CTAG2: variants seen among roughly 807,000 people sequenced by gnomAD.
CTAG2 encodes cancer/testis antigen 2, also known as CTL-recognized antigen on melanoma.
A neutral mutation model predicts 5.7 loss-of-function variants in CTAG2; 5 were observed. That is an observed-to-expected ratio of 0.88 (90% CI 0.46 to 1.85). The LOEUF is 1.85. Among genes scored for constraint, CTAG2 ranks in the 40% most tolerant of loss-of-function variants. The pLI, the probability that CTAG2 is intolerant of heterozygous loss-of-function variation, is 0.01. For synonymous variants in CTAG2, 63 were observed against 80.9 expected (o/e 0.78, Z 1.19); for missense variants, 151 against 169.9 (o/e 0.89, Z 0.62).
intron 1 of CTAG2, 58 bp downstream of exon 1, chrX:154,653,189 C>A: frequency 8.5e-7 from 1 of 1,172,335 alleles, no homozygotes; most frequent in South Asian, 1.9e-5. Flanking sequence ...CTGTTGTCTC[C>A]GTCTCACGGC....
chrX:154,653,403 C>G lies in CTAG2; in HGVS notation c.113G>C (p.Gly38Ala). ...GGNAGGPGEA[G>A]ATGGRGPRGA... The stretch of plus-strand genomic sequence containing the variant: ...CCGGGGACCTCTGCCGCCCGTGGCA[C>G]CCGCCTCTCCTGGGCCGCCAGCATT... Residue 38 changes from glycine to alanine, a missense_variant, in exon 1 of 3, where the codon GGT becomes GCT. By Grantham distance (60) the Gly-to-Ala change is moderately conservative. Coordinates refer to ENST00000369585, the MANE Select transcript of CTAG2 (RefSeq NM_172377.5). The G allele has an allele frequency of 8.7e-7, 1 of 1,151,851 alleles. No individual in the cohort carries two copies. Among genetic ancestry groups the G allele is most frequent in the Non-Finnish European group, 1.2e-6 (1 of 866,727 alleles). The allele number at this position is 1,151,851 out of a possible 1,213,427, so 94.9% of individuals were successfully genotyped here.
In CTAG2 at chrX:154,653,484, G is replaced by A. The variant is rs1557241905; in HGVS notation, c.32C>T (p.Ser11Leu). The change falls in exon 1 of 3, where the codon TCG becomes TTG. Residue 11 changes from serine (S) to leucine (L), a missense_variant. By Grantham distance (145) the Ser-to-Leu change is moderately radical (BLOSUM62 -2). This residue lies in a region of CTAG2 where 4 missense variants were observed against 18.9 expected (regional missense o/e 0.21). Transcript: ENST00000369585. ...TCCTGGGCCATCAGCATCGCCCGTC[G>A]AACCCCCTGTGCCCCGGCCTTCGGC... MQAEGRGTGG[S>L]TGDADGPGGP... The A allele has an allele frequency of 2.7e-6, 3 of 1,104,443 alleles. No homozygotes were observed. The highest frequency in any genetic ancestry group is 3.0e-5 in the Admixed American group (1 of 33,513). 91.0% of individuals were successfully genotyped at this position (1,104,443 alleles called of 1,213,427 possible). A position where few individuals can be genotyped will look rare whatever the true frequency, so the allele number is the denominator to read the frequency against.
intron 2 of CTAG2, 46 bp downstream of exon 2, chrX:154,652,451 C>T: frequency 8.3e-7 from 1 of 1,211,238 alleles, no homozygotes; most frequent in Non-Finnish European, 1.1e-6. Context: ...CCCAACCCAC[C>T]ACCCTCATCC....
chrX:154,653,241 G>A lies in CTAG2; in HGVS notation c.269+6C>T. 8.3e-7 allele frequency: 1 copy of A among 1,207,685 alleles called. No individual in the cohort carries two copies. Among genetic ancestry groups the A allele is most frequent in the Non-Finnish European group, 1.1e-6 (1 of 893,850 alleles). On this transcript the variant is annotated splice_donor_region_variant and intron_variant, in intron 1 of 2. Transcript: ENST00000369585. ...GAACCTCCTAGAACAGAACAGAACA[G>A]GATACAACTCAAGCAGGCGGCTGTC... is the stretch of plus-strand genomic sequence containing the variant.
At chrX:154,652,681 C>A in intron 1 of CTAG2, 50 bp from the exon 2 acceptor site, 1 of 1,155,625 alleles carries the variant, frequency 8.7e-7, no homozygotes, top group African/African-American at 1.8e-5. Context: ...GGCCGGTGCC[C>A]ATCTCATCCC....
At position 154,652,152 on chromosome X, in the gene CTAG2, C is replaced by A; in HGVS notation, c.520G>T (p.Ala174Ser). 8.3e-7 allele frequency: 1 copy of A among 1,208,455 alleles called. No individual in the cohort carries two copies. The highest frequency in any genetic ancestry group is 1.8e-5 in the South Asian group (1 of 56,557). ...QCFLPVFLAQ[A>S]PSGQRR ...GCTTAGCGCCTCTGCCCTGAGGGAG[C>A]CTGAGCCAAAAACACGGGCAGAAAG... Residue 174 changes from alanine to serine, a missense_variant, in exon 3 of 3, where the codon GCT (alanine) becomes TCT (serine). Ala to Ser is a moderately conservative substitution (Grantham distance 99). Coordinates refer to ENST00000369585, the MANE Select transcript of CTAG2 (RefSeq NM_172377.5).
intron 1 of CTAG2, 142 bp from the exon 2 acceptor site, chrX:154,652,773 C>T (rs1251063288): frequency 8.4e-6 from 6 of 717,698 alleles, no homozygotes; most frequent in African/African-American, 2.2e-5. Context: ...TCCTCTGTTG[C>T]ACCTCAAGCT....
intron 1 of CTAG2, 85 bp from the exon 2 acceptor site, chrX:154,652,716 G>A: frequency 9.6e-7 from 1 of 1,045,781 alleles, no homozygotes; most frequent in Non-Finnish European, 1.3e-6. Context: ...CCACGCACTG[G>A]CCCAGGTCCT....
intron 1 of CTAG2, 69 bp from the exon 2 acceptor site, chrX:154,652,700 G>A: frequency 9.0e-7 from 1 of 1,114,666 alleles, no homozygotes; most frequent in Non-Finnish European, 1.2e-6. Context: ...CCCTCAGGCT[G>A]TCTCCCCACG....
At position 154,652,596 on chromosome X, in the gene CTAG2, G is replaced by A. The variant is rs2070162653; in HGVS notation, c.305C>T (p.Ala102Val). The part of the protein sequence containing the change: ...ITMPFSSPME[A>V]ELVRRILSRD... ...GGACAGGATCCTGCGGACCAGCTCCGCTTCCATGGGCGACGAGAAAGGCAT... is the reference window on the plus strand; with the variant it reads ...GGACAGGATCCTGCGGACCAGCTCCACTTCCATGGGCGACGAGAAAGGCAT... Residue 102 changes from alanine (A) to valine (V), a missense_variant, in exon 2 of 3, where the codon GCG becomes GTG. Physicochemically the swap from Ala to Val is moderately conservative, Grantham distance 64. Around this residue, in one of 2 missense-constraint regions of CTAG2, gnomAD observed 147 missense variants for 151.0 expected, o/e 0.97. Transcript: ENST00000369585. 4 of 1,203,511 alleles carry A rather than the reference G, an allele frequency of 3.3e-6. No individual in the cohort carries two copies. The East Asian group carries it at 8.9e-5, about 27-fold the overall frequency.
Position 154,653,517 on chromosome X carries a change from G to A in CTAG2, c.-2C>T. The A allele has an allele frequency of 9.6e-7, 1 of 1,038,260 alleles. No individual in the cohort carries two copies. The highest frequency in any genetic ancestry group is 3.4e-5 in the East Asian group (1 of 29,038). 85.6% of individuals were successfully genotyped at this position (1,038,260 alleles called of 1,213,427 possible). A position where few individuals can be genotyped will look rare whatever the true frequency, so the allele number is the denominator to read the frequency against. On this transcript the variant is annotated 5_prime_UTR_variant, in exon 1 of 3. Transcript: ENST00000369585. ...TGTGCCCCGGCCTTCGGCCTGCATG[G>A]CTCCGGAGCCTCTGCCCGGCTCTCA... is the stretch of plus-strand genomic sequence containing the variant.
intron 1 of CTAG2, among the ~76,000 whole-genome samples, 193 bp downstream of exon 1, chrX:154,653,054 C>T (rs1271776366): frequency 3.1e-5 from 3 of 96,024 alleles, no homozygotes; most frequent in Non-Finnish European, 6.3e-5. Context: ...AGCCACCCCT[C>T]GACCTCCAAC....
intron 2 of CTAG2, 68 bp downstream of exon 2, chrX:154,652,429 C>G (rs199533324): frequency 4.1e-6 from 5 of 1,209,420 alleles, no homozygotes; most frequent in East Asian, 3.0e-5. Context: ...TCCGGGGAGG[C>G]GGATCCCAGC....
chrX:154,652,168 G>C lies in CTAG2; in HGVS notation c.504C>G (p.Pro168=), dbSNP rs782597963. 2.5e-5 allele frequency: 30 copies of C among 1,207,290 alleles called. No individual in the cohort carries two copies. The highest frequency in any genetic ancestry group is 3.2e-5 in the Non-Finnish European group (29 of 894,448). The stretch of plus-strand genomic sequence containing the variant: ...CTGAGGGAGCCTGAGCCAAAAACAC[G>C]GGCAGAAAGCACTGCGTGATCCACA... ...LLMWITQCFL[P]VFLAQAPSGQ... is the part of the protein sequence containing the mutation. Residue 168 remains proline, a synonymous_variant, in exon 3 of 3, where the codon CCC becomes CCG. Transcript: ENST00000369585.
At chrX:154,653,125 C>G (rs1274822640) in intron 1 of CTAG2, 122 bp downstream of exon 1, 12 of 716,295 alleles carry the variant, frequency 1.7e-5, no homozygotes, top group Non-Finnish European at 3.8e-6. Context: ...CCCCACCTTC[C>G]GCACCTGGCC....
At position 154,652,116 on chromosome X, in the gene CTAG2, C is replaced by T. The variant is rs782075668; in HGVS notation, c.*13G>A. On this transcript the variant is annotated 3_prime_UTR_variant, in exon 3 of 3. Coordinates refer to ENST00000369585, the MANE Select transcript of CTAG2 (RefSeq NM_172377.5). Reference sequence around the variant, plus strand: ...GGAGGAGGCATGACCTAGGAAGGGGCGCCAGGCTGGGCTTAGCGCCTCTGC... The same window carrying T: ...GGAGGAGGCATGACCTAGGAAGGGGTGCCAGGCTGGGCTTAGCGCCTCTGC... 1.7e-6 allele frequency: 2 copies of T among 1,208,566 alleles called. No individual in the cohort carries two copies. Among genetic ancestry groups the T allele is most frequent in the South Asian group, 1.8e-5 (1 of 56,607 alleles).
rs1438451607 is a variant in CTAG2 at position 154,652,020 on chromosome X, G to A, written c.*109C>T. ...TTCTACAGAAACAAACATGTAAGCCGTCCTCCTCCAGCGACAAACAATCAG... is the reference window on the plus strand; with the variant it reads ...TTCTACAGAAACAAACATGTAAGCCATCCTCCTCCAGCGACAAACAATCAG... On this transcript the variant is annotated 3_prime_UTR_variant, in exon 3 of 3. Transcript: ENST00000369585. 7 of 1,082,525 alleles carry A rather than the reference G, an allele frequency of 6.5e-6. No homozygotes were observed. The Admixed American group carries it at 9.1e-5, about 14-fold the overall frequency. The allele number at this position is 1,082,525 out of a possible 1,213,427, so 89.2% of individuals were successfully genotyped here. A position where few individuals can be genotyped will look rare whatever the true frequency, so the allele number is the denominator to read the frequency against.
chrX:154,652,386 T>C (rs1557241389), intron 2 of CTAG2, 111 bp downstream of exon 2: 1 of 1,211,470 alleles, frequency 8.3e-7, no homozygotes, highest in Admixed American at 2.2e-5. Flanking sequence ...GACCTTGTGT[T>C]TGGGTGTTCT....
chrX:154,652,303 C>T (rs1557241350), intron 2 of CTAG2, 36 bp from the exon 3 acceptor site: 1 of 1,211,252 alleles, frequency 8.3e-7, no homozygotes, highest in Admixed American at 2.2e-5. Flanking sequence ...ACATTAAAGG[C>T]GACACCTCTG....
Sources: allele counts gnomAD v4.1 joint callset (sites outside exome capture counted in the v4.1 genomes callset), GRCh38; gene constraint gnomAD v4.1.1; regional missense constraint gnomAD v4.1.1; transcripts MANE v1.5; gene names NCBI Gene and HGNC (gene_info 2026-07-23, HGNC 2026-07-21).